NXPE4: variants seen among roughly 807,000 people sequenced by gnomAD.
NXPE4 encodes the protein NXPE family member 4.
Under a neutral mutation model 33.3 loss-of-function variants are expected in NXPE4, and 42 were observed. That is an observed-to-expected ratio of 1.26 (90% CI 0.98 to 1.63). The LOEUF is 1.63. Ranked by LOEUF, NXPE4 falls within the 40% of genes most tolerant of loss-of-function variation. The pLI, the probability that NXPE4 is intolerant of heterozygous loss-of-function variation, is 0.00. For synonymous variants in NXPE4, 253 were observed against 234.9 expected (o/e 1.08, Z -0.71); for missense variants, 709 against 647.6 (o/e 1.09, Z -1.03).
chr11:114,620,485 G>A, the NXPE4 span, among the ~76,000 whole-genome samples: 14 of 151,784 alleles, frequency 9.2e-5, no homozygotes, highest in African/African-American at 2.4e-4. Flanking sequence ...ACTGTTGCCC[G>A]GTGGATAATA....
At chr11:114,615,258 AAG>A in the NXPE4 span, among the ~76,000 whole-genome samples, 1 of 151,894 alleles carries the variant, frequency 6.6e-6, no homozygotes, top group Non-Finnish European at 1.5e-5. Flanking sequence ...AGTGGATTAT[AAG>A]TATTTCCTTG....
the NXPE4 span, among the ~76,000 whole-genome samples, chr11:114,641,467 T>C: frequency 6.6e-6 from 1 of 151,990 alleles, no homozygotes; most frequent in African/African-American, 2.4e-5. Context: ...TGAATAACAA[T>C]GAAAGTACTT....
the NXPE4 span, among the ~76,000 whole-genome samples, chr11:114,629,201 C>T: frequency 1.8e-3 from 280 of 152,102 alleles, 2 homozygotes; most frequent in African/African-American, 5.3e-3. Context: ...ATACCAAAGC[C>T]GGGCAGAGAC....
upstream of NXPE4, among the ~76,000 whole-genome samples, chr11:114,599,550 A>G (rs1157271744): frequency 2.0e-5 from 3 of 152,184 alleles, no homozygotes; most frequent in Non-Finnish European, 4.4e-5. Flanking sequence ...TGGGTAATTT[A>G]TAAAGAAAAG....
At chr11:114,633,827 G>C in the NXPE4 span, among the ~76,000 whole-genome samples, 742 of 152,054 alleles carry the variant, frequency 4.9e-3, 8 homozygotes, top group Non-Finnish European at 6.1e-3. Context: ...GTATTCCATG[G>C]TGTATATGTG....
the NXPE4 span, among the ~76,000 whole-genome samples, chr11:114,626,145 C>T: frequency 7.9e-5 from 12 of 152,252 alleles, no homozygotes; most frequent in South Asian, 2.1e-4. Context: ...ACAAAGCAGC[C>T]GGGAAGCTCG....
intron 2 of NXPE4, among the ~76,000 whole-genome samples, chr11:114,588,805 A>C (rs1949371058): frequency 6.6e-6 from 1 of 152,160 alleles, no homozygotes; most frequent in Non-Finnish European, 1.5e-5. Flanking sequence ...AGCACTAATA[A>C]AACACACCTT....
the NXPE4 span, among the ~76,000 whole-genome samples, chr11:114,646,762 C>T: frequency 2.6e-5 from 4 of 152,064 alleles, no homozygotes; most frequent in African/African-American, 9.7e-5. Context: ...TTTGTCTTTT[C>T]TCATTAAAGA....
the NXPE4 span, among the ~76,000 whole-genome samples, chr11:114,641,955 T>C: frequency 6.6e-6 from 1 of 152,054 alleles, no homozygotes; most frequent in Admixed American, 6.6e-5. Flanking sequence ...ACAGAGGACA[T>C]ATTTTTGTGG....
the NXPE4 span, among the ~76,000 whole-genome samples, chr11:114,660,954 A>G: frequency 9.8e-4 from 149 of 152,294 alleles, no homozygotes; most frequent in Non-Finnish European, 1.4e-3. Context: ...ATAAAGTTTT[A>G]TTGTTATTCT....
the NXPE4 span, among the ~76,000 whole-genome samples, chr11:114,630,061 A>T: frequency 6.6e-6 from 1 of 151,822 alleles, no homozygotes; most frequent in East Asian, 1.9e-4. Context: ...GCTCATGGGT[A>T]GGAAGAATCA....
At chr11:114,659,608 A>G in the NXPE4 span, among the ~76,000 whole-genome samples, 1 of 152,172 alleles carries the variant, frequency 6.6e-6, no homozygotes, top group African/African-American at 2.4e-5. Context: ...CAAGAATACT[A>G]GAAAATATTT....
At chr11:114,620,956 A>G in the NXPE4 span, among the ~76,000 whole-genome samples, 1 of 152,166 alleles carries the variant, frequency 6.6e-6, no homozygotes, top group Non-Finnish European at 1.5e-5. Flanking sequence ...CCTGTTGGAT[A>G]ATAAGTGTTC....
intron 5 of NXPE4, among the ~76,000 whole-genome samples, chr11:114,571,675 A>G (rs553063357): frequency 6.6e-6 from 1 of 152,328 alleles, no homozygotes; most frequent in Admixed American, 6.5e-5. Context: ...AAGATGGTGG[A>G]TAGGAGGCAG....
the NXPE4 span, among the ~76,000 whole-genome samples, chr11:114,655,322 A>G: frequency 7.9e-5 from 12 of 152,110 alleles, no homozygotes; most frequent in African/African-American, 2.9e-4. Context: ...AAAACTCTTT[A>G]GTTTAATTAG....
At chr11:114,632,121 T>C in the NXPE4 span, among the ~76,000 whole-genome samples, 1 of 144,098 alleles carries the variant, frequency 6.9e-6, no homozygotes, top group Non-Finnish European at 1.5e-5. Flanking sequence ...AATTATATAT[T>C]ATAATAAAAT....
At chr11:114,636,469 C>G in the NXPE4 span, among the ~76,000 whole-genome samples, 16 of 151,810 alleles carry the variant, frequency 1.1e-4, 2 homozygotes, top group Admixed American at 1.1e-3. Flanking sequence ...TCCTTCAGTT[C>G]TGCTCTGATT....
At chr11:114,608,811 G>A in the NXPE4 span, among the ~76,000 whole-genome samples, 17 of 151,780 alleles carry the variant, frequency 1.1e-4, no homozygotes, top group East Asian at 9.8e-4. Flanking sequence ...GTGTTGCCTC[G>A]TGGGTAAGCA....
the NXPE4 span, among the ~76,000 whole-genome samples, chr11:114,632,748 T>G: frequency 1.0e-4 from 1 of 9,810 alleles, no homozygotes; most frequent in African/African-American, 3.6e-4. Context: ...TAAAATATAT[T>G]ATAATATATC....
Sources: gnomAD v4.1 joint callset for allele counts (sites outside exome capture counted in the v4.1 genomes callset) on GRCh38, gnomAD v4.1.1 for gene constraint, MANE v1.5 for transcripts, NCBI Gene and HGNC (gene_info 2026-07-23, HGNC 2026-07-21) for gene names.